The following PCDH15 variants were observed in gnomAD, a reference collection of about 807,000 sequenced individuals.
PCDH15 encodes the protein protocadherin related 15.
PCDH15 carries 129 observed loss-of-function variants against 178.5 expected under a neutral mutation model. The observed-to-expected ratio is 0.72, with a 90% confidence interval of 0.63 to 0.84. The LOEUF is 0.84. PCDH15 is among the 40% of genes least tolerant of loss of function. PCDH15 has a pLI of 0.00. For missense variants in PCDH15, 2,230 were observed against 2,099.9 expected, an observed-to-expected ratio of 1.06 and a Z score of -1.21; for synonymous variants, 800 against 732.0, an observed-to-expected ratio of 1.09 and a Z score of -1.50.
At chr10:55,192,772 C>T (rs183059271) in intron 1 of PCDH15, among the ~76,000 whole-genome samples, 1 of 151,006 alleles carries the variant, frequency 6.6e-6, no homozygotes, top group South Asian at 2.1e-4. Context: ...GATACATGCA[C>T]AAAGACACAT....
chr10:55,277,787 C>T (rs1423128300), intron 1 of PCDH15, among the ~76,000 whole-genome samples: 4 of 152,036 alleles, frequency 2.6e-5, no homozygotes, highest in African/African-American at 9.7e-5. Flanking sequence ...ATTAGGAAAG[C>T]TATCATGGTC....
At chr10:54,702,830 G>A (rs2095324300) in intron 1 of PCDH15, among the ~76,000 whole-genome samples, 1 of 151,976 alleles carries the variant, frequency 6.6e-6, no homozygotes, top group South Asian at 2.1e-4. Context: ...ACATTGAGAA[G>A]GAGCAACTCC....
At chr10:54,236,168 G>T (rs2054607669) in intron 9 of PCDH15, among the ~76,000 whole-genome samples, 1 of 152,140 alleles carries the variant, frequency 6.6e-6, no homozygotes. Flanking sequence ...GCATCTGTCT[G>T]TCTAGAGGCT....
At chr10:54,000,439 C>G (rs2092078985) in intron 20 of PCDH15, among the ~76,000 whole-genome samples, 1 of 151,978 alleles carries the variant, frequency 6.6e-6, no homozygotes, top group South Asian at 2.1e-4. Flanking sequence ...CAAGATAACA[C>G]AGAGAAGAAA....
chr10:55,521,858 C>T (rs1435869062), intron 2 of PCDH15, among the ~76,000 whole-genome samples: 2 of 151,902 alleles, frequency 1.3e-5, no homozygotes, highest in Non-Finnish European at 2.9e-5. Context: ...GGAACACTTA[C>T]ATTAGCATGG....
chr10:54,218,099 A>C (rs1320743194), intron 9 of PCDH15, among the ~76,000 whole-genome samples: 2 of 152,210 alleles, frequency 1.3e-5, no homozygotes, highest in African/African-American at 4.8e-5. Flanking sequence ...GAAAATAAGA[A>C]AACAGAGCAT....
At chr10:54,654,912 G>C (rs1261980953) in intron 2 of PCDH15, 1 of 152,058 alleles carries the variant, frequency 6.6e-6, no homozygotes, top group South Asian at 2.1e-4. Context: ...GTCTCAGCAG[G>C]ACAAATAAGA....
At chr10:53,825,069 A>G in intron 32 of PCDH15, 1 of 1,455,682 alleles carries the variant, frequency 6.9e-7, no homozygotes, top group Non-Finnish European at 9.1e-7. Context: ...GTACAACAGC[A>G]TTTTAATCTG....
At chr10:54,261,644 A>C (rs1357541044) in intron 8 of PCDH15, among the ~76,000 whole-genome samples, 1 of 112,176 alleles carries the variant, frequency 8.9e-6, no homozygotes, top group Non-Finnish European at 2.0e-5. Context: ...ATGTGTATAC[A>C]AGTATTCTAT....
chr10:53,847,553 C>A (rs1280838677), intron 28 of PCDH15, among the ~76,000 whole-genome samples: 2 of 152,018 alleles, frequency 1.3e-5, no homozygotes, highest in African/African-American at 4.8e-5. Context: ...CTGTGGTATC[C>A]CACAAGATAA....
chr10:54,587,463 A>G (rs1349552634), intron 2 of PCDH15, among the ~76,000 whole-genome samples: 1 of 152,142 alleles, frequency 6.6e-6, no homozygotes, highest in Non-Finnish European at 1.5e-5. Flanking sequence ...ATAAATGAAG[A>G]AAGTGGATGT....
At chr10:55,202,242 T>A (rs1248559549) in intron 1 of PCDH15, among the ~76,000 whole-genome samples, 1 of 152,078 alleles carries the variant, frequency 6.6e-6, no homozygotes, top group Non-Finnish European at 1.5e-5. Flanking sequence ...ATAAATGACC[T>A]CCAAGATGGC....
intron 3 of PCDH15, among the ~76,000 whole-genome samples, chr10:54,476,483 A>G (rs1295032187): frequency 6.6e-6 from 1 of 152,150 alleles, no homozygotes; most frequent in African/African-American, 2.4e-5. Context: ...GTTAGGGTAC[A>G]TTACAGGTAA....
At chr10:54,927,110 C>T (rs919942001) in intron 2 of PCDH15, among the ~76,000 whole-genome samples, 3 of 152,006 alleles carry the variant, frequency 2.0e-5, no homozygotes, top group Non-Finnish European at 2.9e-5. Context: ...ACTGCCTTAG[C>T]TGTGTCCTGG....
chr10:55,384,411 CTG>C (rs1197078225), intron 2 of PCDH15, among the ~76,000 whole-genome samples: 3 of 152,032 alleles, frequency 2.0e-5, no homozygotes, highest in Non-Finnish European at 4.4e-5. Flanking sequence ...AATATTAAAA[CTG>C]TTATCTCAAA....
intron 13 of PCDH15, among the ~76,000 whole-genome samples, chr10:54,171,473 C>G (rs2133625080): frequency 6.6e-6 from 1 of 152,102 alleles, no homozygotes; most frequent in South Asian, 2.1e-4. Flanking sequence ...TAAGACTGTG[C>G]CCCCCAAAAA....
chr10:54,097,430 C>A (rs1284094234), intron 15 of PCDH15, among the ~76,000 whole-genome samples: 1 of 152,166 alleles, frequency 6.6e-6, no homozygotes, highest in Non-Finnish European at 1.5e-5. Context: ...CATCCTCTCA[C>A]CTTATTCAAC....
At chr10:54,905,153 C>T (rs1316916736) in intron 2 of PCDH15, among the ~76,000 whole-genome samples, 1 of 151,946 alleles carries the variant, frequency 6.6e-6, no homozygotes, top group Admixed American at 6.6e-5. Flanking sequence ...AGATTCTTTC[C>T]TCAGTTGCAC....
chr10:54,705,607 C>A (rs957984313), intron 1 of PCDH15, among the ~76,000 whole-genome samples: 1 of 152,106 alleles, frequency 6.6e-6, no homozygotes, highest in Non-Finnish European at 1.5e-5. Context: ...GTGACCATAG[C>A]ACCACTATTA....
Sources: gnomAD v4.1 joint callset for allele counts (sites outside exome capture counted in the v4.1 genomes callset) on GRCh38, gnomAD v4.1.1 for gene constraint, MANE v1.5 for transcripts, NCBI Gene and HGNC (gene_info 2026-07-23, HGNC 2026-07-21) for gene names.